UBAC2: variants seen among roughly 807,000 people sequenced by gnomAD.
UBAC2 encodes UBA domain containing 2.
In UBAC2, 26 loss-of-function variants were observed where a neutral mutation model predicts 44.0. The ratio of observed to expected loss-of-function variants is 0.59; its 90% CI spans 0.43 to 0.82. The LOEUF is 0.82. UBAC2 is among the 40% of genes least tolerant of loss of function. The pLI, the probability that UBAC2 is intolerant of heterozygous loss-of-function variation, is 0.00. For synonymous variants in UBAC2, 155 were observed against 154.3 expected, an observed-to-expected ratio of 1.00 and a Z score of -0.04; for missense variants, 329 against 419.4, an observed-to-expected ratio of 0.78 and a Z score of 1.88.
At chr13:99,325,365 A>G (rs556217966) in intron 6 of UBAC2, among the ~76,000 whole-genome samples, 19 of 152,154 alleles carry the variant, frequency 1.2e-4, no homozygotes, top group African/African-American at 4.6e-4. Context: ...GGCCTCCCAA[A>G]TTGCTGGGAT....
intron 4 of UBAC2, among the ~76,000 whole-genome samples, chr13:99,278,101 A>T (rs2043907192): frequency 6.6e-6 from 1 of 152,210 alleles, no homozygotes; most frequent in African/African-American, 2.4e-5. Flanking sequence ...CTAGGCACAG[A>T]TAATTTCGGA....
At chr13:99,341,895 G>C (rs1382816561) in intron 7 of UBAC2, among the ~76,000 whole-genome samples, 1 of 152,204 alleles carries the variant, frequency 6.6e-6, no homozygotes, top group African/African-American at 2.4e-5. Flanking sequence ...TTCTGGCCTA[G>C]ATAATCTTAG....
intron 7 of UBAC2, 41 bp from the exon 8 acceptor site, chr13:99,367,746 C>T: frequency 6.2e-7 from 1 of 1,613,444 alleles, no homozygotes; most frequent in Non-Finnish European, 8.5e-7. Context: ...GATGATTCTG[C>T]TCCTTCTGTG....
chr13:99,360,609 C>A (rs987667578), intron 7 of UBAC2, among the ~76,000 whole-genome samples: 1 of 152,280 alleles, frequency 6.6e-6, no homozygotes, highest in Admixed American at 6.5e-5. Context: ...GCGGTATAAA[C>A]CCACTTAGGC....
intron 4 of UBAC2, among the ~76,000 whole-genome samples, chr13:99,283,534 A>G (rs550753803): frequency 5.3e-4 from 80 of 152,140 alleles, no homozygotes; most frequent in African/African-American, 1.9e-3. Flanking sequence ...CCAGATTTAA[A>G]TGAATAGCCA....
intron 8 of UBAC2, among the ~76,000 whole-genome samples, chr13:99,378,222 C>T (rs1204797185): frequency 1.3e-5 from 2 of 152,164 alleles, no homozygotes; most frequent in Non-Finnish European, 1.5e-5. Flanking sequence ...GCCCCCTTAT[C>T]GATATTAAAA....
chr13:99,242,644 A>C (rs1594038064), intron 2 of UBAC2, among the ~76,000 whole-genome samples: 6 of 76,600 alleles, frequency 7.8e-5, no homozygotes, highest in African/African-American at 1.6e-4. Flanking sequence ...TGACCCCCCC[A>C]CCTCCCTCCC....
In UBAC2 at chr13:99,385,380, G is replaced by A. The variant is rs1309991347; in HGVS notation, c.*45G>A. Reference sequence around the variant, plus strand: ...GGACCGGACCGGCAGCCGAGTGACAGTGCGTGGTCCCCACCATCAGATCAG... The same window carrying A: ...GGACCGGACCGGCAGCCGAGTGACAATGCGTGGTCCCCACCATCAGATCAG... On this transcript the variant is annotated 3_prime_UTR_variant, in exon 9 of 9. Coordinates refer to ENST00000403766, the MANE Select transcript of UBAC2 (RefSeq NM_001144072.2). The A allele has an allele frequency of 3.3e-6, 5 of 1,494,552 alleles. No homozygotes were observed. The highest frequency in any genetic ancestry group is 4.7e-6 in the Non-Finnish European group (5 of 1,073,494). The allele number at this position is 1,494,552 out of a possible 1,614,324, so 92.6% of individuals were successfully genotyped here.
chr13:99,201,653 G>C, intron 1 of UBAC2: 1 of 1,434,874 alleles, frequency 7.0e-7, no homozygotes, highest in Admixed American at 2.0e-5. Context: ...TAGACTGCGT[G>C]TTAACAGTTA....
At chr13:99,264,986 A>G (rs200069112) in intron 4 of UBAC2, among the ~76,000 whole-genome samples, 1 of 143,048 alleles carries the variant, frequency 7.0e-6, no homozygotes, top group Non-Finnish European at 1.5e-5. Context: ...TTTTTTTTTA[A>G]TTGTTCTTCA....
chr13:99,210,448 G>C (rs1187850928), intron 1 of UBAC2, among the ~76,000 whole-genome samples: 2 of 150,138 alleles, frequency 1.3e-5, no homozygotes, highest in Non-Finnish European at 3.0e-5. Context: ...TAATGAGCAT[G>C]TATATGCTCC....
chr13:99,380,664 G>A (rs932667412), intron 8 of UBAC2, among the ~76,000 whole-genome samples: 4 of 152,184 alleles, frequency 2.6e-5, no homozygotes, highest in Non-Finnish European at 2.9e-5. Context: ...GGTTGTCATC[G>A]CATACCCAAG....
chr13:99,354,269 C>A (rs1417891509), intron 7 of UBAC2, among the ~76,000 whole-genome samples: 1 of 152,216 alleles, frequency 6.6e-6, no homozygotes, highest in Non-Finnish European at 1.5e-5. Context: ...GGGTGTCAAC[C>A]CAGCATCTGT....
intron 7 of UBAC2, chr13:99,351,626 TGAG>T (rs756660412): frequency 2.2e-6 from 1 of 456,766 alleles, no homozygotes; most frequent in South Asian, 1.5e-5. Context: ...TGGCTGATGA[TGAG>T]AATTCTGTTA....
chr13:99,318,002 C>CTT lies in UBAC2; in HGVS notation c.514-11_514-10dup. On this transcript the variant is annotated intron_variant, in intron 5 of 8. Coordinates refer to ENST00000403766, the MANE Select transcript of UBAC2 (RefSeq NM_001144072.2). ...GCAGTTGAATTTTATTTTTAGTTGCCTTTTTTTTTTCTTTTATAGCTTTTC... is the reference window on the plus strand; with the variant it reads ...GCAGTTGAATTTTATTTTTAGTTGCCTTTTTTTTTTTTCTTTTATAGCTTTTC... 5.0e-6 allele frequency: 7 copies of CTT among 1,411,598 alleles called. No individual in the cohort carries two copies. Among genetic ancestry groups the CTT allele is most frequent in the Admixed American group, 2.0e-5 (1 of 50,542 alleles). The allele number at this position is 1,411,598 out of a possible 1,614,324, so 87.4% of individuals were successfully genotyped here.
chr13:99,374,496 C>T (rs1375163203), intron 8 of UBAC2, among the ~76,000 whole-genome samples: 1 of 152,102 alleles, frequency 6.6e-6, no homozygotes, highest in Non-Finnish European at 1.5e-5. Flanking sequence ...ATCCATTAGC[C>T]CAAGTAGAGA....
At chr13:99,317,581 G>A (rs1446166004) in intron 5 of UBAC2, among the ~76,000 whole-genome samples, 2 of 152,068 alleles carry the variant, frequency 1.3e-5, no homozygotes, top group Admixed American at 6.5e-5. Context: ...TCTAAATTTA[G>A]GGTGACAATG....
At position 99,330,057 on chromosome 13, in the gene UBAC2, G is replaced by A. The variant is rs558345369; in HGVS notation, c.562-10263G>A. 3.3e-5 allele frequency among the ~76,000 whole-genome samples: 5 copies of A among 152,232 alleles called. No homozygotes were observed. The East Asian group carries it at 9.6e-4, about 29-fold the overall frequency. On this transcript the variant is annotated intron_variant, in intron 6 of 8. Transcript: ENST00000403766. The stretch of plus-strand genomic sequence containing the variant: ...TTTAAATTTTCAATGTACAGGTCTT[G>A]CACATCTTTCATTAGATGTATTTCT...
chr13:99,264,465 A>C (rs181686691), intron 4 of UBAC2, among the ~76,000 whole-genome samples: 5 of 152,348 alleles, frequency 3.3e-5, no homozygotes, highest in African/African-American at 9.6e-5. Flanking sequence ...TGCTGTAGAC[A>C]CTAAGCACTA....
Sources: allele counts gnomAD v4.1 joint callset (sites outside exome capture counted in the v4.1 genomes callset), GRCh38; gene constraint gnomAD v4.1.1; transcripts MANE v1.5; gene names NCBI Gene and HGNC (gene_info 2026-07-23, HGNC 2026-07-21).